The following PTPRM variants were observed in gnomAD, a reference collection of about 807,000 sequenced individuals.
The protein encoded by PTPRM is protein tyrosine phosphatase receptor type M, also known as receptor-type tyrosine-protein phosphatase mu.
In PTPRM, 47 loss-of-function variants were observed where a neutral mutation model predicts 186.7. The observed-to-expected ratio is 0.25, with a 90% CI of 0.20 to 0.32. The LOEUF (loss-of-function observed/expected upper bound fraction) is 0.32. Among genes scored for constraint, PTPRM ranks in the 10% least tolerant of loss-of-function variants. PTPRM has a pLI of 1.00. For synonymous variants in PTPRM, 668 were observed against 674.9 expected, an observed-to-expected ratio of 0.99 and a Z score of 0.16; for missense variants, 1,494 against 1,865.0, an observed-to-expected ratio of 0.80 and a Z score of 3.66.
chr18:7,895,733 C>T (rs1056677595), intron 3 of PTPRM, among the ~76,000 whole-genome samples: 13 of 152,194 alleles, frequency 8.5e-5, no homozygotes, highest in Admixed American at 8.5e-4. Flanking sequence ...AGCATCTGAA[C>T]TCTGCAATTG....
intron 1 of PTPRM, among the ~76,000 whole-genome samples, chr18:7,608,531 A>C (rs2037592278): frequency 6.6e-6 from 1 of 152,154 alleles, no homozygotes; most frequent in African/African-American, 2.4e-5. Flanking sequence ...GAGGTCTCTA[A>C]AATGAGAATG....
rs562642692 is a variant in PTPRM at position 7,648,336 on chromosome 18, A to T, written c.73+80445A>T. Among the ~76,000 whole-genome samples the T allele has an allele frequency of 2.6e-5, 4 of 152,302 alleles. No homozygotes were observed. The South Asian group carries it at 8.3e-4, about 32-fold the overall frequency. On this transcript the variant is annotated intron_variant, in intron 1 of 32. Coordinates refer to ENST00000580170, the MANE Select transcript of PTPRM (RefSeq NM_001105244.2). ...TTTCCTGAGACTCAACAATATTAAAATTAGGACAATTAATAACCCCACAGT... is the reference window on the plus strand; with the variant it reads ...TTTCCTGAGACTCAACAATATTAAATTTAGGACAATTAATAACCCCACAGT...
intron 13 of PTPRM, among the ~76,000 whole-genome samples, chr18:8,134,331 T>A (rs898821438): frequency 6.6e-6 from 1 of 152,166 alleles, no homozygotes; most frequent in African/African-American, 2.4e-5. Flanking sequence ...GCTTGTCAAA[T>A]GCCCACCGTG....
chr18:7,759,345 A>G (rs1294477110), intron 1 of PTPRM, among the ~76,000 whole-genome samples: 1 of 152,348 alleles, frequency 6.6e-6, no homozygotes, highest in East Asian at 1.9e-4. Context: ...AAAATTACCC[A>G]CTCAGACTAT....
At chr18:7,728,895 C>CT (rs2040600400) in intron 1 of PTPRM, among the ~76,000 whole-genome samples, 1 of 148,666 alleles carries the variant, frequency 6.7e-6, no homozygotes. Flanking sequence ...CTAGCTATTA[C>CT]TTTTTTTTGA....
intron 1 of PTPRM, among the ~76,000 whole-genome samples, chr18:7,636,763 AT>A (rs1257911244): frequency 8.5e-5 from 13 of 152,350 alleles, no homozygotes; most frequent in African/African-American, 2.9e-4. Flanking sequence ...GAGATGTTGG[AT>A]TTAAACAAAG....
At chr18:8,165,167 CAAAAAAA>C (rs59978316) in intron 14 of PTPRM, among the ~76,000 whole-genome samples, 4 of 103,280 alleles carry the variant, frequency 3.9e-5, no homozygotes, top group South Asian at 3.4e-4. Context: ...GACTCCATCT[CAAAAAAA>C]AAAAAAAAAG....
At chr18:8,262,820 A>G (rs1443200089) in intron 19 of PTPRM, among the ~76,000 whole-genome samples, 2 of 152,202 alleles carry the variant, frequency 1.3e-5, no homozygotes, top group East Asian at 1.9e-4. Context: ...ATTGATTTCT[A>G]TGTAGTTACA....
intron 1 of PTPRM, among the ~76,000 whole-genome samples, chr18:7,773,906 C>T (rs1391726831): frequency 6.6e-6 from 1 of 152,098 alleles, no homozygotes. Context: ...TGGCTTCTAC[C>T]AACATTAGAT....
chr18:7,873,416 G>A (rs1037488638), intron 2 of PTPRM, among the ~76,000 whole-genome samples: 2 of 152,134 alleles, frequency 1.3e-5, no homozygotes, highest in African/African-American at 4.8e-5. Context: ...TGACTGACTG[G>A]ATTACAATCT....
intron 1 of PTPRM, among the ~76,000 whole-genome samples, chr18:7,575,810 A>T (rs2036674350): frequency 6.6e-6 from 1 of 152,148 alleles, no homozygotes; most frequent in Non-Finnish European, 1.5e-5. Context: ...TAGGTATGTA[A>T]TTCAAGAAGT....
chr18:7,999,044 A>G (rs2083712005), intron 7 of PTPRM, among the ~76,000 whole-genome samples: 1 of 152,174 alleles, frequency 6.6e-6, no homozygotes, highest in Non-Finnish European at 1.5e-5. Flanking sequence ...CAATCTGCTT[A>G]TTCCTGCTTA....
intron 7 of PTPRM, among the ~76,000 whole-genome samples, chr18:8,009,511 C>T (rs2084388224): frequency 6.6e-6 from 1 of 152,042 alleles, no homozygotes; most frequent in Non-Finnish European, 1.5e-5. Flanking sequence ...AGTTCAAGGC[C>T]AGCCTGACCA....
At chr18:8,352,172 CTGTGATACA>C (rs1270633881) in intron 23 of PTPRM, among the ~76,000 whole-genome samples, 1 of 152,216 alleles carries the variant, frequency 6.6e-6, no homozygotes, top group East Asian at 1.9e-4. Flanking sequence ...CAACAATGAA[CTGTGATACA>C]TGTTCAGAAT....
intron 5 of PTPRM, among the ~76,000 whole-genome samples, chr18:7,929,813 T>G (rs1035991429): frequency 1.3e-5 from 2 of 152,134 alleles, no homozygotes; most frequent in Non-Finnish European, 2.9e-5. Context: ...AGTCCATTCT[T>G]TAGAGGTCGT....
intron 1 of PTPRM, among the ~76,000 whole-genome samples, chr18:7,570,010 C>T (rs2036529332): frequency 6.6e-6 from 1 of 151,998 alleles, no homozygotes; most frequent in East Asian, 1.9e-4. Context: ...ACTGTAGTCC[C>T]AGCTGCTCTA....
At chr18:8,000,897 A>C (rs900015835) in intron 7 of PTPRM, among the ~76,000 whole-genome samples, 1 of 152,224 alleles carries the variant, frequency 6.6e-6, no homozygotes, top group Admixed American at 6.5e-5. Flanking sequence ...AGTGGCAGGC[A>C]CTTGAATAAA....
chr18:7,800,646 G>A (rs1345395095), intron 2 of PTPRM, among the ~76,000 whole-genome samples: 4 of 152,138 alleles, frequency 2.6e-5, no homozygotes, highest in Non-Finnish European at 5.9e-5. Flanking sequence ...CAATTTAAAG[G>A]TTACAGTTGG....
intron 2 of PTPRM, among the ~76,000 whole-genome samples, chr18:7,827,803 T>A (rs1034225114): frequency 1.3e-5 from 2 of 152,228 alleles, no homozygotes; most frequent in African/African-American, 2.4e-5. Context: ...ATAGTGGACA[T>A]GTGGTCCATG....
Sources: gnomAD v4.1 joint callset for allele counts (sites outside exome capture counted in the v4.1 genomes callset) on GRCh38, gnomAD v4.1.1 for gene constraint, MANE v1.5 for transcripts, NCBI Gene and HGNC (gene_info 2026-07-23, HGNC 2026-07-21) for gene names.